The following MYOC variants were observed in gnomAD, a reference collection of about 807,000 sequenced individuals.
MYOC encodes the protein myocilin.
A neutral mutation model predicts 28.2 loss-of-function variants in MYOC; 29 were observed. The ratio of observed to expected loss-of-function variants is 1.03; its 90% CI spans 0.77 to 1.40. The LOEUF (loss-of-function observed/expected upper bound fraction) is 1.40. MYOC is among the 40% of genes most tolerant of loss of function. The probability of loss-of-function intolerance (pLI) is 0.00; values close to 1 mark genes in which losing one functional copy is unlikely to be tolerated. For missense variants in MYOC, 569 were observed against 620.6 expected (o/e 0.92, Z 0.88); for synonymous variants, 240 against 245.6 (o/e 0.98, Z 0.21).
At chr1:171,646,170 C>T (rs1472640670) in intron 1 of MYOC, among the ~76,000 whole-genome samples, 2 of 152,174 alleles carry the variant, frequency 1.3e-5, no homozygotes, top group Admixed American at 1.3e-4. Flanking sequence ...GAAACAATCT[C>T]GTAAAGGGGC....
Position 171,636,729 on chromosome 1 carries a change from A to AAACG in MYOC, c.731-24_731-21dup. On this transcript the variant is annotated intron_variant, in intron 2 of 2. Coordinates refer to ENST00000037502, the MANE Select transcript of MYOC (RefSeq NM_000261.2). Reference sequence around the variant, plus strand: ...CACATCCTGGTAAATTCAGAAAAGAAAACGAAGCACCACTTAATCCATAAT... The same window carrying AAACG: ...CACATCCTGGTAAATTCAGAAAAGAAAACGAACGAAGCACCACTTAATCCATAAT... 1 of 1,598,872 alleles carries AAACG rather than the reference A, an allele frequency of 6.3e-7. No individual in the cohort carries two copies. The highest frequency in any genetic ancestry group is 8.5e-7 in the Non-Finnish European group (1 of 1,178,920).
chr1:171,644,164 A>G (rs990169270), intron 1 of MYOC, among the ~76,000 whole-genome samples: 5 of 152,164 alleles, frequency 3.3e-5, no homozygotes, highest in African/African-American at 1.2e-4. Flanking sequence ...GGAATGTTTC[A>G]AAATCACTAA....
chr1:171,640,208 C>G (rs1318448580), intron 1 of MYOC, among the ~76,000 whole-genome samples: 1 of 151,930 alleles, frequency 6.6e-6, no homozygotes, highest in Non-Finnish European at 1.5e-5. Flanking sequence ...CTGTCTGATT[C>G]CTTTCTGAGA....
In MYOC at chr1:171,652,389, G is replaced by A. The variant is rs781448289; in HGVS notation, c.223C>T (p.Gln75Ter). The change falls in exon 1 of 3, where the codon CAG (glutamine) becomes TAG (stop). Residue 75 changes from glutamine (Q) to a stop codon, truncating the protein, a stop_gained. Coordinates refer to ENST00000037502, the MANE Select transcript of MYOC (RefSeq NM_000261.2). LOFTEE classifies it high-confidence loss of function. ...SQAMSVIHNL[Q>*]RDSSTQRLDL... ...AAGCGTTGGGTGCTGCTGTCTCTCT[G>A]TAAGTTATGGATGACTGACATGGCC... 2 of 1,613,602 alleles carry A rather than the reference G, an allele frequency of 1.2e-6. No individual in the cohort carries two copies. The highest frequency in any genetic ancestry group is 1.7e-6 in the Non-Finnish European group (2 of 1,179,534).
At chr1:171,639,652 C>CAGAA (rs1653024362) in intron 1 of MYOC, among the ~76,000 whole-genome samples, 1 of 115,326 alleles carries the variant, frequency 8.7e-6, no homozygotes, top group Non-Finnish European at 1.7e-5. Context: ...CTCAAGGTCT[C>CAGAA]AAAAAAAAAA....
At chr1:171,638,815 C>G (rs994944144) in intron 1 of MYOC, 93 bp from the exon 2 acceptor site, 2 of 1,446,464 alleles carry the variant, frequency 1.4e-6, no homozygotes, top group Non-Finnish European at 1.9e-6. Flanking sequence ...GGCTGCCGGC[C>G]AGGCGTGGTG....
chr1:171,646,154 G>A (rs1056915615), intron 1 of MYOC, among the ~76,000 whole-genome samples: 2 of 152,196 alleles, frequency 1.3e-5, no homozygotes, highest in Non-Finnish European at 1.5e-5. Context: ...AAAACCCAAA[G>A]GCAGGGAAAC....
chr1:171,640,424 C>T (rs540372116), intron 1 of MYOC, among the ~76,000 whole-genome samples: 1 of 152,172 alleles, frequency 6.6e-6, no homozygotes, highest in East Asian at 1.9e-4. Flanking sequence ...TCACAAGGAA[C>T]AGGCTTGGCT....
rs1652905625 is a variant in MYOC at position 171,635,878 on chromosome 1, G to T, written c.*47C>A. The stretch of plus-strand genomic sequence containing the variant: ...TCCCTTCAGCCTGCTCCCCCCAGGA[G>T]CCCTGAGCATCTCCTTCTGCCATTG... On this transcript the variant is annotated 3_prime_UTR_variant, in exon 3 of 3. Coordinates refer to ENST00000037502, the MANE Select transcript of MYOC (RefSeq NM_000261.2). 1 of 1,604,986 alleles carries T rather than the reference G, an allele frequency of 6.2e-7. No homozygotes were observed. Among genetic ancestry groups the T allele is most frequent in the Non-Finnish European group, 8.5e-7 (1 of 1,174,274 alleles).
rs188598075 is a variant in MYOC at position 171,646,528 on chromosome 1, G to A, written c.604+5480C>T. On this transcript the variant is annotated intron_variant, in intron 1 of 2. Coordinates refer to ENST00000037502, the MANE Select transcript of MYOC (RefSeq NM_000261.2). The stretch of plus-strand genomic sequence containing the variant: ...TTTTTTTTTTTTGAGACAGGGTCTC[G>A]CTCTGTCACCCAGGCTGGAGTACAG... 1.8e-3 allele frequency among the ~76,000 whole-genome samples: 263 copies of A among 144,346 alleles called. 2 individuals are homozygous for A. The highest frequency in any genetic ancestry group is 2.4e-3 in the Non-Finnish European group (157 of 66,782). 94.7% of individuals were successfully genotyped at this position (144,346 alleles called of 152,430 possible). A position where few individuals can be genotyped will look rare whatever the true frequency, so the allele number is the denominator to read the frequency against.
At chr1:171,648,465 C>T (rs1454517443) in intron 1 of MYOC, among the ~76,000 whole-genome samples, 1 of 151,980 alleles carries the variant, frequency 6.6e-6, no homozygotes, top group Non-Finnish European at 1.5e-5. Context: ...CTTCTCTTCT[C>T]TAGGATCATG....
chr1:171,649,268 C>T lies in MYOC; in HGVS notation c.604+2740G>A, dbSNP rs909909052. ...AATACAGAAAGGCTGCCTTCTCAGG[C>T]CTTACCTTTGTCCACTCAGCCTCAC... is the stretch of plus-strand genomic sequence containing the variant. On this transcript the variant is annotated intron_variant, in intron 1 of 2. Transcript: ENST00000037502. 8.5e-5 allele frequency among the ~76,000 whole-genome samples: 13 copies of T among 152,216 alleles called. No homozygotes were observed. In the South Asian group the frequency reaches 1.4e-3, roughly 17 times the overall value.
In MYOC at chr1:171,652,618, G is replaced by T. The variant is rs760713735; in HGVS notation, c.-7C>A. The T allele has an allele frequency of 1.9e-5, 30 of 1,613,852 alleles. No homozygotes were observed. The highest frequency in any genetic ancestry group is 2.7e-5 in the African/African-American group (2 of 74,938). On this transcript the variant is annotated 5_prime_UTR_variant, in exon 1 of 3. Transcript: ENST00000037502. ...GTGCACAGAAGAACCTCATTGCAGA[G>T]GCTTGGTGAGGCTTCCTCTGGAAAG... is the stretch of plus-strand genomic sequence containing the variant.
At chr1:171,645,304 C>T (rs544473536) in intron 1 of MYOC, among the ~76,000 whole-genome samples, 1 of 152,170 alleles carries the variant, frequency 6.6e-6, no homozygotes, top group African/African-American at 2.4e-5. Flanking sequence ...TCCCTGCACA[C>T]GGACCTCAGT....
chr1:171,647,124 A>G (rs1456858405), intron 1 of MYOC, among the ~76,000 whole-genome samples: 2 of 152,250 alleles, frequency 1.3e-5, no homozygotes, highest in East Asian at 3.8e-4. Context: ...CTAATAGACT[A>G]TTGTCCTGAG....
intron 1 of MYOC, among the ~76,000 whole-genome samples, chr1:171,651,321 T>C (rs1653343961): frequency 2.2e-5 from 3 of 138,942 alleles, no homozygotes; most frequent in South Asian, 2.4e-4. Context: ...TAAGAAGACC[T>C]CCCCCAACAC....
chr1:171,651,343 ACCCC>A (rs147492940), intron 1 of MYOC, among the ~76,000 whole-genome samples: 12 of 62,134 alleles, frequency 1.9e-4, no homozygotes, highest in Non-Finnish European at 3.4e-4. Flanking sequence ...TCACCCCCGC[ACCCC>A]CCCCACACAC....
Position 171,635,718 on chromosome 1 carries a change from A to G in MYOC, c.*207T>C. 1.6e-6 allele frequency: 1 copy of G among 606,312 alleles called. No homozygotes were observed. Among genetic ancestry groups the G allele is most frequent in the Non-Finnish European group, 2.9e-6 (1 of 343,484 alleles). The allele number at this position is 606,312 out of a possible 1,614,324, so 37.6% of individuals were successfully genotyped here. ...CATAAATGCTGACAGAAGATAAAGG[A>G]TATTTATTATATGAAATTGTCTACG... On this transcript the variant is annotated 3_prime_UTR_variant, in exon 3 of 3. Transcript: ENST00000037502.
chr1:171,642,329 C>T (rs1558087622), intron 1 of MYOC, among the ~76,000 whole-genome samples: 2 of 152,168 alleles, frequency 1.3e-5, no homozygotes, highest in Non-Finnish European at 2.9e-5. Context: ...AACCCATAAG[C>T]TGGCCAGGCG....
Sources: gnomAD v4.1 joint callset for allele counts (sites outside exome capture counted in the v4.1 genomes callset) on GRCh38, gnomAD v4.1.1 for gene constraint, MANE v1.5 for transcripts, NCBI Gene and HGNC (gene_info 2026-07-23, HGNC 2026-07-21) for gene names.